Variants in PCDHA6 observed in about 807,000 individuals in gnomAD.
The protein encoded by PCDHA6 is protocadherin alpha-6.
PCDHA6 carries 55 observed loss-of-function variants against 60.3 expected under a neutral mutation model. The observed-to-expected ratio is 0.91, with a 90% CI of 0.73 to 1.14. The LOEUF is 1.14. PCDHA6 is among the 50% of genes most tolerant of loss of function. The pLI is 0.00. For synonymous variants in PCDHA6, 652 were observed against 557.9 expected (o/e 1.17, Z -2.38); for missense variants, 1,327 against 1,256.5 (o/e 1.06, Z -0.85).
rs192376340 is a variant in PCDHA6 at position 140,857,538 on chromosome 5, G to A, written c.2394+27053G>A. The A allele has an allele frequency of 8.8e-6, 14 of 1,597,348 alleles. No individual in the cohort carries two copies. In the East Asian group the frequency reaches 3.1e-4, roughly 36 times the overall value. On this transcript the variant is annotated intron_variant, in intron 1 of 3. Transcript: ENST00000529310. ...GTGTCCTACTCTCTGGTGGAGCGGC[G>A]GTTGGGCGAGCGCTCGCTGTCGAGC... is the stretch of plus-strand genomic sequence containing the variant.
chr5:141,010,107 C>T lies in PCDHA6; in HGVS notation c.*170C>T, dbSNP rs1457376249. On this transcript the variant is annotated 3_prime_UTR_variant, in exon 4 of 4. Coordinates refer to ENST00000529310, the MANE Select transcript of PCDHA6 (RefSeq NM_018909.4). ...CTAGAACGCATTTAACAGGTTTTGT[C>T]GTAAAAGCTTTACTAAGTCTGGTGT... 8.1e-6 allele frequency: 13 copies of T among 1,611,484 alleles called. No individual in the cohort carries two copies. Among genetic ancestry groups the T allele is most frequent in the South Asian group, 4.4e-5 (4 of 90,776 alleles).
chr5:140,877,005 C>G, intron 1 of PCDHA6: 1 of 1,612,474 alleles, frequency 6.2e-7, no homozygotes, highest in Non-Finnish European at 8.5e-7. Context: ...TGTCGGTGCA[C>G]GCGGAGAGCG....
intron 1 of PCDHA6, among the ~76,000 whole-genome samples, chr5:140,911,672 C>T (rs1010402307): frequency 2.6e-5 from 4 of 152,154 alleles, no homozygotes; most frequent in Non-Finnish European, 5.9e-5. Flanking sequence ...TTGCCTCTCA[C>T]GAACCGTGCA....
At chr5:141,003,095 T>C (rs1245011518) in intron 3 of PCDHA6, among the ~76,000 whole-genome samples, 3 of 152,258 alleles carry the variant, frequency 2.0e-5, no homozygotes, top group African/African-American at 7.2e-5. Flanking sequence ...AGGCCTGGCA[T>C]TTGCTTCACA....
intron 1 of PCDHA6, among the ~76,000 whole-genome samples, chr5:140,901,473 A>C (rs1554189862): frequency 1.3e-5 from 2 of 152,012 alleles, no homozygotes. Flanking sequence ...TCTCGAGTTT[A>C]TGTTCTTGGC....
intron 1 of PCDHA6, among the ~76,000 whole-genome samples, chr5:140,874,129 G>A (rs1400596915): frequency 6.6e-6 from 1 of 151,518 alleles, no homozygotes; most frequent in African/African-American, 2.5e-5. Context: ...GTTTATTTAA[G>A]TTATCTTATA....
chr5:140,861,332 G>A (rs2046864240), intron 1 of PCDHA6: 1 of 247,774 alleles, frequency 4.0e-6, no homozygotes, highest in African/African-American at 2.3e-5. Context: ...CACCATCCTG[G>A]AAGAGGCCAA....
chr5:140,846,187 T>C (rs1336642667), intron 1 of PCDHA6, among the ~76,000 whole-genome samples: 1 of 149,366 alleles, frequency 6.7e-6, no homozygotes, highest in Non-Finnish European at 1.5e-5. Flanking sequence ...GGCGTTTGAG[T>C]TCTTTGTATG....
At chr5:140,857,234 C>A (rs781784109) in intron 1 of PCDHA6, 1 of 1,598,590 alleles carries the variant, frequency 6.3e-7, no homozygotes, top group South Asian at 1.1e-5. Context: ...TCCGTTCAAG[C>A]TGGTGTCCAC....
chr5:140,967,278 G>T, intron 1 of PCDHA6: 1 of 1,613,408 alleles, frequency 6.2e-7, no homozygotes, highest in Non-Finnish European at 8.5e-7. Context: ...CACATAGAGA[G>T]TGCGCAGGAC....
At chr5:140,852,885 AT>A (rs2150523673) in intron 1 of PCDHA6, 17,743 of 732,756 alleles carry the variant, frequency 0.024, 6 homozygotes, top group Non-Finnish European at 0.027. Flanking sequence ...CATAAAACGT[AT>A]TTTTTTTTTT....
intron 1 of PCDHA6, chr5:140,850,559 C>T (rs2150489407): frequency 1.9e-6 from 3 of 1,598,268 alleles, no homozygotes; most frequent in Non-Finnish European, 2.6e-6. Context: ...GTGCCACGGG[C>T]CCCGAGGTGA....
chr5:140,931,993 T>C (rs1350907359), intron 1 of PCDHA6, among the ~76,000 whole-genome samples: 8 of 152,090 alleles, frequency 5.3e-5, no homozygotes, highest in Admixed American at 3.3e-4. Context: ...GCTCAAATTC[T>C]AAGTTCTTTC....
intron 1 of PCDHA6, among the ~76,000 whole-genome samples, chr5:140,886,515 G>A (rs1554182564): frequency 3.9e-5 from 6 of 151,972 alleles, no homozygotes; most frequent in Non-Finnish European, 8.8e-5. Flanking sequence ...TGGATTTTAA[G>A]GTCTGCATAT....
At chr5:140,889,101 T>TCC in intron 1 of PCDHA6, among the ~76,000 whole-genome samples, 1 of 152,074 alleles carries the variant, frequency 6.6e-6, no homozygotes, top group East Asian at 1.9e-4. Context: ...AATTTTTTCA[T>TCC]CTTTATTCCA....
At chr5:140,998,721 C>G (rs987484967) in intron 3 of PCDHA6, among the ~76,000 whole-genome samples, 1 of 152,084 alleles carries the variant, frequency 6.6e-6, no homozygotes, top group Non-Finnish European at 1.5e-5. Context: ...TGCACCACCA[C>G]GCTAGGCTAA....
intron 1 of PCDHA6, among the ~76,000 whole-genome samples, chr5:140,838,075 ATAGTGTGTGT>A (rs2150283218): frequency 0.079 from 10,117 of 127,694 alleles, 686 homozygotes; most frequent in African/African-American, 0.19. Flanking sequence ...TTATATATAT[ATAGTGTGTGT>A]GTGTGTGTGT....
chr5:140,969,214 A>G (rs906572071), intron 1 of PCDHA6: 5 of 1,614,194 alleles, frequency 3.1e-6, no homozygotes, highest in Non-Finnish European at 4.2e-6. Context: ...CCCAGACAGG[A>G]CCAGGGCCTT....
chr5:140,842,458 A>C (rs1777969478), intron 1 of PCDHA6: 1 of 1,613,788 alleles, frequency 6.2e-7, no homozygotes, highest in South Asian at 1.1e-5. Context: ...ACCTCGATTC[A>C]GGTGCCAACG....
Sources: gnomAD v4.1 joint callset for allele counts (sites outside exome capture counted in the v4.1 genomes callset) on GRCh38, gnomAD v4.1.1 for gene constraint, MANE v1.5 for transcripts, NCBI Gene and HGNC (gene_info 2026-07-23, HGNC 2026-07-21) for gene names.